IKBKB: variants seen among roughly 807,000 people sequenced by gnomAD.
IKBKB encodes the protein inhibitor of nuclear factor kappa B kinase subunit beta.
In IKBKB, 42 loss-of-function variants were observed where a neutral mutation model predicts 113.6. That is an observed-to-expected ratio of 0.37 (90% CI 0.29 to 0.48). The LOEUF (loss-of-function observed/expected upper bound fraction) is 0.48. IKBKB is among the 20% of genes least tolerant of loss of function. The probability of loss-of-function intolerance (pLI) is 0.99; values close to 1 mark genes in which losing one functional copy is unlikely to be tolerated. For synonymous variants in IKBKB, 296 were observed against 361.3 expected, an observed-to-expected ratio of 0.82 and a Z score of 2.05; for missense variants, 673 against 939.7, an observed-to-expected ratio of 0.72 and a Z score of 3.71.
intron 5 of IKBKB, chr8:42,298,614 T>A: frequency 2.8e-6 from 1 of 357,698 alleles, no homozygotes; most frequent in Non-Finnish European, 3.9e-6. Context: ...AGTAACCAGG[T>A]TAATAAATAC....
chr8:42,281,448 G>C (rs373329035), intron 2 of IKBKB, among the ~76,000 whole-genome samples: 1 of 152,184 alleles, frequency 6.6e-6, no homozygotes, highest in Admixed American at 6.5e-5. Flanking sequence ...ACCAGGCGGT[G>C]GGGGAGGGAG....
At position 42,318,688 on chromosome 8, in the gene IKBKB, G is replaced by C. The variant is rs771971575; in HGVS notation, c.1364+13G>C. 8.9e-6 allele frequency: 14 copies of C among 1,580,830 alleles called. No homozygotes were observed. Among genetic ancestry groups the C allele is most frequent in the Non-Finnish European group, 1.0e-5 (12 of 1,164,876 alleles). On this transcript the variant is annotated intron_variant, in intron 13 of 21. Transcript: ENST00000520810. ...AGCGAGCCGCCATGTAGCGTGCCAG[G>C]CTTTTTTTTTAAACTTAATTTATTT... is the stretch of plus-strand genomic sequence containing the variant.
chr8:42,291,531 C>T (rs760614216), intron 4 of IKBKB, among the ~76,000 whole-genome samples: 2 of 152,222 alleles, frequency 1.3e-5, no homozygotes, highest in African/African-American at 2.4e-5. Context: ...TCTGCGAGTG[C>T]ACCTCTTCAC....
In IKBKB at chr8:42,331,146, C is replaced by A; in HGVS notation, c.*167C>A. 1 of 1,002,554 alleles carries A rather than the reference C, an allele frequency of 1.0e-6. No individual in the cohort carries two copies. Among genetic ancestry groups the A allele is most frequent in the Non-Finnish European group, 1.5e-6 (1 of 663,042 alleles). The allele number at this position is 1,002,554 out of a possible 1,614,324, so 62.1% of individuals were successfully genotyped here. A position where few individuals can be genotyped will look rare whatever the true frequency, so the allele number is the denominator to read the frequency against. On this transcript the variant is annotated 3_prime_UTR_variant, in exon 22 of 22. Transcript: ENST00000520810. ...CCTGCTGCACTGATGGCCCAGGGGT[C>A]TCTGGTATCCAGATGGAGCTCTCGC...
intron 8 of IKBKB, chr8:42,314,087 C>T: frequency 1.2e-5 from 6 of 509,316 alleles, no homozygotes; most frequent in South Asian, 2.3e-5. Flanking sequence ...TTAGATACAC[C>T]AATACTTACC....
intron 2 of IKBKB, among the ~76,000 whole-genome samples, chr8:42,279,939 C>T (rs905366422): frequency 1.3e-5 from 2 of 152,180 alleles, no homozygotes; most frequent in African/African-American, 2.4e-5. Context: ...GCCTTGAACT[C>T]CCAGGCTCAA....
At chr8:42,293,608 C>T in intron 5 of IKBKB, 96 bp downstream of exon 5, 1 of 1,602,252 alleles carries the variant, frequency 6.2e-7, no homozygotes, top group South Asian at 1.1e-5. Flanking sequence ...CACTTCAATC[C>T]TTTGGTCTCT....
intron 2 of IKBKB, 56 bp from the exon 3 acceptor site, chr8:42,288,576 CAG>C (rs1226487558): frequency 1.5e-6 from 2 of 1,339,904 alleles, no homozygotes; most frequent in Non-Finnish European, 2.1e-6. Context: ...ATGCAGCAGA[CAG>C]GGTGGGATTT....
In IKBKB at chr8:42,308,020, C is replaced by T. The variant is rs796743694; in HGVS notation, c.568-881C>T. On this transcript the variant is annotated intron_variant, in intron 7 of 21. Coordinates refer to ENST00000520810, the MANE Select transcript of IKBKB (RefSeq NM_001556.3). ...GCCGCCCCTTCTTCGGTCACCCCAG[C>T]GCTCTCTGCCTCAGCAGCAGCCATG... is the stretch of plus-strand genomic sequence containing the variant. Among the ~76,000 whole-genome samples the T allele has an allele frequency of 1.7e-4, 26 of 152,338 alleles. No individual in the cohort carries two copies. In the East Asian group the frequency reaches 3.9e-3, roughly 23 times the overall value.
chr8:42,283,980 G>A (rs1178334151), intron 2 of IKBKB, among the ~76,000 whole-genome samples: 6 of 152,204 alleles, frequency 3.9e-5, no homozygotes, highest in Non-Finnish European at 7.3e-5. Context: ...CTGCAGCGGG[G>A]CCATCGGTCT....
At chr8:42,298,129 A>G in intron 5 of IKBKB, 1 of 985,462 alleles carries the variant, frequency 1.0e-6, no homozygotes. Flanking sequence ...TCCTTTGGAA[A>G]ACATTGGCAT....
At chr8:42,281,902 G>A (rs4307328) in intron 2 of IKBKB, among the ~76,000 whole-genome samples, 33,261 of 152,050 alleles carry the variant, frequency 0.22, 8,449 homozygotes, top group African/African-American at 0.62. Flanking sequence ...CCCCTGAGTC[G>A]CTGGAAGAGG....
rs528858158 is a variant in IKBKB, at chr8:42,298,314, G to A, written c.388+4802G>A. The A allele has an allele frequency of 2.8e-5, 28 of 985,380 alleles. No individual in the cohort carries two copies. The African/African-American group carries it at 4.9e-4, about 17-fold the overall frequency. The allele number at this position is 985,380 out of a possible 1,614,324, so 61.0% of individuals were successfully genotyped here. On this transcript the variant is annotated intron_variant, in intron 5 of 21. Coordinates refer to ENST00000520810, the MANE Select transcript of IKBKB (RefSeq NM_001556.3). Reference sequence around the variant, plus strand: ...TTCTGCAGGTGGCCAGTCTGCTGTGGTGACACCATCCTGTGCTCCAGGCCT... The same window carrying A: ...TTCTGCAGGTGGCCAGTCTGCTGTGATGACACCATCCTGTGCTCCAGGCCT...
chr8:42,317,530 T>C (rs1261109816), intron 11 of IKBKB, 127 bp from the exon 12 acceptor site: 4 of 680,906 alleles, frequency 5.9e-6, no homozygotes, highest in Non-Finnish European at 1.1e-5. Flanking sequence ...TCATGGATGC[T>C]TCCTACTTGC....
intron 21 of IKBKB, 150 bp downstream of exon 21, chr8:42,329,364 C>T (rs137969437): frequency 2.9e-5 from 36 of 1,238,354 alleles, no homozygotes; most frequent in Non-Finnish European, 3.6e-5. Flanking sequence ...TCTCTCTCAC[C>T]CAGGCTGGAG....
In IKBKB at chr8:42,331,027, T is replaced by C; in HGVS notation, c.*48T>C. 1 of 1,599,178 alleles carries C rather than the reference T, an allele frequency of 6.3e-7. No individual in the cohort carries two copies. The highest frequency in any genetic ancestry group is 1.1e-5 in the South Asian group (1 of 90,054). On this transcript the variant is annotated 3_prime_UTR_variant, in exon 22 of 22. Transcript: ENST00000520810. ...ACATGGGGCAGCCCATAGCAGGCCT[T>C]GTGCAGTGGGGGGACTCGACCCCCT...
chr8:42,320,983 C>T (rs1404372663), intron 16 of IKBKB, 139 bp downstream of exon 16: 3 of 523,934 alleles, frequency 5.7e-6, no homozygotes, highest in Non-Finnish European at 1.0e-5. Flanking sequence ...TCACTTCCAG[C>T]AAATCATCAC....
chr8:42,283,073 A>C (rs1669229934), intron 2 of IKBKB, among the ~76,000 whole-genome samples: 1 of 152,120 alleles, frequency 6.6e-6, no homozygotes, highest in Non-Finnish European at 1.5e-5. Flanking sequence ...TTGCATTTGG[A>C]TATTTAAGAC....
chr8:42,271,835 C>T, intron 1 of IKBKB: 1 of 550,070 alleles, frequency 1.8e-6, no homozygotes, highest in Non-Finnish European at 3.2e-6. Flanking sequence ...GCGTGGGCAT[C>T]GCCTCCCTCG....
Sources: gnomAD v4.1 joint callset for allele counts (sites outside exome capture counted in the v4.1 genomes callset) on GRCh38, gnomAD v4.1.1 for gene constraint, MANE v1.5 for transcripts, NCBI Gene and HGNC (gene_info 2026-07-23, HGNC 2026-07-21) for gene names.